MYBL1: variants seen among roughly 807,000 people sequenced by gnomAD.
MYBL1 encodes the protein MYB proto-oncogene like 1.
MYBL1 carries 17 observed loss-of-function variants against 96.3 expected under a neutral mutation model. That is an observed-to-expected ratio of 0.18 (90% CI 0.12 to 0.26). MYBL1 has a LOEUF of 0.26. Among genes scored for constraint, MYBL1 ranks in the 10% least tolerant of loss-of-function variants. The pLI is 1.00. For synonymous variants in MYBL1, 282 were observed against 292.7 expected (o/e 0.96, Z 0.37); for missense variants, 701 against 882.9 (o/e 0.79, Z 2.61).
At chr8:66,591,687 A>T (rs978541277) in intron 8 of MYBL1, among the ~76,000 whole-genome samples, 39 of 152,180 alleles carry the variant, frequency 2.6e-4, no homozygotes, top group African/African-American at 9.4e-4. Context: ...ATAGGAAAAA[A>T]TTTTCAAAGA....
Position 66,576,039 on chromosome 8 carries a change from G to C in MYBL1, c.1438C>G (p.Pro480Ala). The change falls in exon 10 of 16, where the codon CCA (proline) becomes GCA (alanine). Residue 480 changes from proline to alanine, a missense_variant. By Grantham distance (27) the Pro-to-Ala change is conservative (BLOSUM62 -1). Coordinates refer to ENST00000522677, the MANE Select transcript of MYBL1 (RefSeq NM_001080416.4). ...GGAGAAAATGGTAGTGTTTTCAGTG[G>C]TGTATGTTTTAGCGCCATATTACCA... ...DGGNMALKHT[P>A]LKTLPFSPSQ... The C allele has an allele frequency of 6.2e-7, 1 of 1,613,866 alleles. No individual in the cohort carries two copies. The highest frequency in any genetic ancestry group is 8.5e-7 in the Non-Finnish European group (1 of 1,179,832).
intron 9 of MYBL1, among the ~76,000 whole-genome samples, chr8:66,579,251 A>G (rs1231911048): frequency 6.6e-6 from 1 of 151,988 alleles, no homozygotes; most frequent in South Asian, 2.1e-4. Flanking sequence ...AAATTAAAAA[A>G]AAATTTTTTT....
chr8:66,591,395 T>G (rs977331511), intron 8 of MYBL1, among the ~76,000 whole-genome samples: 6 of 152,082 alleles, frequency 3.9e-5, no homozygotes, highest in African/African-American at 1.4e-4. Context: ...AAAAGTTATT[T>G]AAATATAAAC....
chr8:66,574,753 C>T (rs1262698795), intron 10 of MYBL1, among the ~76,000 whole-genome samples: 1 of 152,186 alleles, frequency 6.6e-6, no homozygotes, highest in African/African-American at 2.4e-5. Flanking sequence ...AACTGAGATG[C>T]TATAAGAAGA....
At chr8:66,566,848 TTTA>T in intron 13 of MYBL1, 25 bp downstream of exon 13, 1 of 1,592,978 alleles carries the variant, frequency 6.3e-7, no homozygotes, top group Non-Finnish European at 8.6e-7. Context: ...CAATAAGACT[TTTA>T]TTAACAATAA....
At chr8:66,599,620 G>C (rs1047126761) in intron 3 of MYBL1, among the ~76,000 whole-genome samples, 4 of 152,098 alleles carry the variant, frequency 2.6e-5, no homozygotes, top group Non-Finnish European at 5.9e-5. Flanking sequence ...GACCAACATG[G>C]AGAAACCCCG....
chr8:66,574,350 T>C (rs1169134963), intron 10 of MYBL1, among the ~76,000 whole-genome samples: 3 of 152,190 alleles, frequency 2.0e-5, no homozygotes, highest in African/African-American at 4.8e-5. Flanking sequence ...ATTGCTAGCA[T>C]GCAAAACTCC....
At chr8:66,571,598 C>A (rs1808729899) in intron 12 of MYBL1, among the ~76,000 whole-genome samples, 2 of 152,074 alleles carry the variant, frequency 1.3e-5, no homozygotes, top group South Asian at 4.1e-4. Flanking sequence ...GAAAAGTGTT[C>A]CGACAGGGCG....
At chr8:66,565,630 G>A (rs1808474319) in intron 15 of MYBL1, 1 of 151,646 alleles carries the variant, frequency 6.6e-6, no homozygotes, top group South Asian at 2.1e-4. Flanking sequence ...TATCCCAACA[G>A]AAAAAAAAAA....
chr8:66,570,071 T>A (rs1260904512), intron 12 of MYBL1, among the ~76,000 whole-genome samples: 3 of 152,164 alleles, frequency 2.0e-5, no homozygotes, highest in Non-Finnish European at 4.4e-5. Flanking sequence ...AAATGAAAAG[T>A]CAGCTTACTG....
At chr8:66,590,222 C>G (rs1057175665) in intron 8 of MYBL1, among the ~76,000 whole-genome samples, 1 of 152,128 alleles carries the variant, frequency 6.6e-6, no homozygotes, top group Non-Finnish European at 1.5e-5. Context: ...TTCAAGATCT[C>G]AGGTTATCTT....
At position 66,580,230 on chromosome 8, in the gene MYBL1, T is replaced by G. The variant is rs1262279594; in HGVS notation, c.1004A>C (p.Asn335Thr). Reference sequence around the variant, plus strand: ...CACGGCCAGGAACTTTGTGGGTGAATTCTGCTGAGCAGACACAGGCTGATT... The same window carrying G: ...CACGGCCAGGAACTTTGTGGGTGAAGTCTGCTGAGCAGACACAGGCTGATT... ...DENQPVSAQQ[N>T]SPTKFLAVEA... Residue 335 changes from asparagine to threonine, a missense_variant, in exon 9 of 16, where the codon AAT becomes ACT. By Grantham distance (65) the Asn-to-Thr change is moderately conservative. Transcript: ENST00000522677. 2.5e-6 allele frequency: 4 copies of G among 1,613,988 alleles called. No homozygotes were observed. The highest frequency in any genetic ancestry group is 2.7e-5 in the African/African-American group (2 of 75,066).
intron 3 of MYBL1, among the ~76,000 whole-genome samples, chr8:66,600,431 A>G (rs1451701071): frequency 6.6e-6 from 1 of 152,244 alleles, no homozygotes. Context: ...TTTCTTCAAA[A>G]TAATCAGGTT....
intron 8 of MYBL1, among the ~76,000 whole-genome samples, chr8:66,584,594 C>T (rs527673628): frequency 6.6e-6 from 1 of 152,246 alleles, no homozygotes; most frequent in South Asian, 2.1e-4. Context: ...CATGGTGGCT[C>T]ACGCCTGTAA....
rs1427298876 is a variant in MYBL1 at position 66,584,351 on chromosome 8, A to G, written c.868-3985T>C. On this transcript the variant is annotated intron_variant, in intron 8 of 15. Transcript: ENST00000522677. ...CATTTTCACCACTTCTATTCAACACAGTACTGGAAGTCCTAGCCAAAACAA... is the reference window on the plus strand; with the variant it reads ...CATTTTCACCACTTCTATTCAACACGGTACTGGAAGTCCTAGCCAAAACAA... Among the ~76,000 whole-genome samples the G allele has an allele frequency of 2.0e-5, 3 of 152,236 alleles. No homozygotes were observed. In the East Asian group the frequency reaches 5.8e-4, roughly 29 times the overall value.
rs777952850 is a variant in MYBL1 at position 66,566,783 on chromosome 8, G to A, written c.1851C>T (p.Thr617=). ...ATTTTCTGACTTTCTTCCCAGAAGC[G>A]GTATTCTAGAATGAGTAATTTATGT... ...PAYKSCKQEN[T]ASGKKVRKSL... Residue 617 remains threonine, a synonymous_variant, in exon 14 of 16, where the codon ACC becomes ACT. Transcript: ENST00000522677. 48 of 1,606,752 alleles carry A rather than the reference G, an allele frequency of 3.0e-5. No individual in the cohort carries two copies. In the Admixed American group the frequency reaches 3.0e-4, roughly 10 times the overall value.
chr8:66,566,239 T>C lies in MYBL1; in HGVS notation c.1955A>G (p.Glu652Gly). Residue 652 changes from glutamate (E) to glycine (G), a missense_variant, in exon 15 of 16, where the codon GAA becomes GGA. This residue lies in a region of MYBL1 where 137 missense variants were observed against 137.5 expected (regional missense o/e 1.00). Coordinates refer to ENST00000522677, the MANE Select transcript of MYBL1 (RefSeq NM_001080416.4). ...TAATAAGGATGTAGTAAATCTATTT[T>C]CTGACTAAGAGAGAAAAAAGAAAGA... is the stretch of plus-strand genomic sequence containing the variant. Reference protein sequence around the residue: ...LTEDISDMQSENRFTTSLLMI... With the variant: ...LTEDISDMQSGNRFTTSLLMI... 3.4e-6 allele frequency: 5 copies of C among 1,461,886 alleles called. No homozygotes were observed. The highest frequency in any genetic ancestry group is 4.6e-6 in the Non-Finnish European group (5 of 1,083,026). The allele number at this position is 1,461,886 out of a possible 1,614,324, so 90.6% of individuals were successfully genotyped here. A position where few individuals can be genotyped will look rare whatever the true frequency, so the allele number is the denominator to read the frequency against.
intron 1 of MYBL1, among the ~76,000 whole-genome samples, chr8:66,607,242 G>A (rs1010394044): frequency 4.0e-5 from 6 of 151,808 alleles, no homozygotes; most frequent in African/African-American, 7.3e-5. Flanking sequence ...TGTTAAGTTC[G>A]ACATGCTTCA....
chr8:66,596,341 T>C (rs1455331078), intron 5 of MYBL1, among the ~76,000 whole-genome samples: 1 of 152,162 alleles, frequency 6.6e-6, no homozygotes, highest in Admixed American at 6.5e-5. Flanking sequence ...AAAGAGTTAA[T>C]TGGCTCCCTT....
Sources: allele counts gnomAD v4.1 joint callset (sites outside exome capture counted in the v4.1 genomes callset), GRCh38; gene constraint gnomAD v4.1.1; regional missense constraint gnomAD v4.1.1; transcripts MANE v1.5; gene names NCBI Gene and HGNC (gene_info 2026-07-23, HGNC 2026-07-21).